The following POLD1 variants were observed in gnomAD, a reference collection of about 807,000 sequenced individuals.
The protein encoded by POLD1 is DNA polymerase delta 1, catalytic subunit.
A neutral mutation model predicts 129.7 loss-of-function variants in POLD1; 79 were observed. The ratio of observed to expected loss-of-function variants is 0.61; its 90% CI spans 0.51 to 0.73. The LOEUF is 0.73. Ranked by LOEUF, POLD1 falls within the 30% of genes least tolerant of loss-of-function variation. The pLI is 0.00. For missense variants in POLD1, 1,338 were observed against 1,595.8 expected (o/e 0.84, Z 2.75); for synonymous variants, 714 against 683.3 (o/e 1.04, Z -0.70).
chr19:50,394,321 G>A (rs758498925), intron 1 of POLD1, among the ~76,000 whole-genome samples: 2 of 152,088 alleles, frequency 1.3e-5, no homozygotes, highest in African/African-American at 4.8e-5. Context: ...TGGCCACTCC[G>A]GACACGCAGG....
chr19:50,409,329 C>T lies in POLD1; in HGVS notation c.2006+94C>T. On this transcript the variant is annotated intron_variant, in intron 16 of 26. Coordinates refer to ENST00000440232, the MANE Select transcript of POLD1 (RefSeq NM_002691.4). This position sits in a 1 kb window ranked among gnomAD's most constrained non-coding sequence, Gnocchi z 5.8. ...CTGGGACACCCCAGGGCTGCCCAGC[C>T]ACCCTGCCCTCAGCTGTGCGTGAAT... 8.2e-7 allele frequency: 1 copy of T among 1,218,128 alleles called. No homozygotes were observed. The highest frequency in any genetic ancestry group is 2.4e-5 in the East Asian group (1 of 42,206). 75.5% of individuals were successfully genotyped at this position (1,218,128 alleles called of 1,614,324 possible). A position where few individuals can be genotyped will look rare whatever the true frequency, so the allele number is the denominator to read the frequency against.
At position 50,398,943 on chromosome 19, in the gene POLD1, C is replaced by T. The variant is rs2038475705; in HGVS notation, c.92C>T (p.Pro31Leu). 6.3e-7 allele frequency: 1 copy of T among 1,590,826 alleles called. No homozygotes were observed. Among genetic ancestry groups the T allele is most frequent in the Admixed American group, 1.8e-5 (1 of 55,976 alleles). Residue 31 changes from proline (P) to leucine (L), a missense_variant, in exon 2 of 27, where the codon CCA becomes CTA. By Grantham distance (98) the Pro-to-Leu change is moderately conservative. Transcript: ENST00000440232. ...TGGGATGATGATGATGCACCTCGGC[C>T]ATCCCAATTCGAGGAGGACCTGGCA... ...GLWDDDDAPR[P>L]SQFEEDLALM...
At chr19:50,404,096 T>C (rs955372242) in intron 10 of POLD1, among the ~76,000 whole-genome samples, 5 of 152,200 alleles carry the variant, frequency 3.3e-5, no homozygotes, top group Admixed American at 3.3e-4. Flanking sequence ...CTCACCGTCC[T>C]GAAGGCTGGA....
intron 1 of POLD1, among the ~76,000 whole-genome samples, chr19:50,393,525 G>C (rs970191519): frequency 2.0e-5 from 3 of 152,038 alleles, no homozygotes; most frequent in Non-Finnish European, 4.4e-5. Context: ...AATTGGCTAG[G>C]CATGGTGGCA....
In POLD1 at chr19:50,408,890, A is replaced by G. The variant is rs2122370402; in HGVS notation, c.1881A>G (p.Ala627=). Residue 627 remains alanine (A), a synonymous_variant, in exon 15 of 27, where the codon GCA becomes GCG. Coordinates refer to ENST00000440232, the MANE Select transcript of POLD1 (RefSeq NM_002691.4). Reference sequence around the variant, plus strand: ...CCACGCTCCTTCGGCCCGGGACTGCACAGAAACTGGGGTATAGTGCCCAAT... The same window carrying G: ...CCACGCTCCTTCGGCCCGGGACTGCGCAGAAACTGGGGTATAGTGCCCAAT... ...CYTTLLRPGT[A]QKLGLTEDQF... 6.2e-7 allele frequency: 1 copy of G among 1,611,278 alleles called. No individual in the cohort carries two copies. The highest frequency in any genetic ancestry group is 1.1e-5 in the South Asian group (1 of 90,626).
chr19:50,413,817 C>T lies in POLD1; in HGVS notation c.2326C>T (p.Arg776Trp), dbSNP rs780138978. ...GGTGGCTGAGGCGATGGCCCTGGGG[C>T]GGGAGGCCGCGGACTGGGTGTCAGG... ...SSVAEAMALG[R>W]EAADWVSGHF... Residue 776 changes from arginine (R) to tryptophan (W), a missense_variant, in exon 19 of 27, where the codon CGG (arginine) becomes TGG (tryptophan). Around this residue, in one of 3 missense-constraint regions of POLD1, gnomAD observed 720 missense variants for 1,002.6 expected, o/e 0.72. Coordinates refer to ENST00000440232, the MANE Select transcript of POLD1 (RefSeq NM_002691.4). 97 of 1,612,006 alleles carry T rather than the reference C, an allele frequency of 6.0e-5. No individual in the cohort carries two copies. Among genetic ancestry groups the T allele is most frequent in the Non-Finnish European group, 6.8e-5 (80 of 1,179,412 alleles).
intron 10 of POLD1, among the ~76,000 whole-genome samples, chr19:50,404,778 G>A (rs2038811508): frequency 1.3e-5 from 2 of 149,338 alleles, no homozygotes; most frequent in South Asian, 4.3e-4. Flanking sequence ...TCTTGAGATG[G>A]AATTTCGCTC....
At chr19:50,396,228 A>G (rs1045651489) in intron 1 of POLD1, among the ~76,000 whole-genome samples, 7 of 151,016 alleles carry the variant, frequency 4.6e-5, no homozygotes, top group Non-Finnish European at 7.4e-5. Flanking sequence ...CCATAATTAC[A>G]GGTGTGTACC....
chr19:50,388,163 T>C (rs1221895813), intron 1 of POLD1, among the ~76,000 whole-genome samples: 2 of 151,876 alleles, frequency 1.3e-5, no homozygotes, highest in Non-Finnish European at 2.9e-5. Context: ...CTGCCAGGGG[T>C]GGGGGCAGAT....
At chr19:50,416,160 C>T (rs2039280925) in intron 22 of POLD1, 2 of 591,624 alleles carry the variant, frequency 3.4e-6, no homozygotes, top group Admixed American at 3.0e-5. Context: ...CTCCTGACCC[C>T]TTCCTCATCC....
At chr19:50,416,042 C>T (rs1041625995) in intron 22 of POLD1, 2 of 581,726 alleles carry the variant, frequency 3.4e-6, no homozygotes, top group Admixed American at 3.2e-5. Context: ...GGGCCCCAGT[C>T]CCTCCCCTGT....
chr19:50,413,610 C>T, intron 18 of POLD1, 89 bp downstream of exon 18: 1 of 1,530,224 alleles, frequency 6.5e-7, no homozygotes, highest in Non-Finnish European at 9.0e-7. Context: ...CCCGTGCCTC[C>T]TGGTCACACC....
rs199733325 is a variant in POLD1 at position 50,407,322 on chromosome 19, C to G, written c.1687-5C>G. 6.2e-7 allele frequency: 1 copy of G among 1,611,656 alleles called. No homozygotes were observed. Among genetic ancestry groups the G allele is most frequent in the African/African-American group, 1.3e-5 (1 of 74,960 alleles). On this transcript the variant is annotated splice_region_variant and splice_polypyrimidine_tract_variant and intron_variant, in intron 13 of 26. Transcript: ENST00000440232. The stretch of plus-strand genomic sequence containing the variant: ...CACTCCATTTCCCACCTTCTCCCCT[C>G]CCAGGCCATGCACGAGGGGCTGCTG...
chr19:50,417,921 G>A lies in POLD1; in HGVS notation c.3298G>A (p.Gly1100Arg), dbSNP rs1060501837. The change falls in exon 27 of 27, where the codon GGA (glycine) becomes AGA (arginine). Residue 1100 changes from glycine to arginine, a missense_variant. This residue lies in a region of POLD1 where 286 missense variants were observed against 277.5 expected (regional missense o/e 1.03). Coordinates refer to ENST00000440232, the MANE Select transcript of POLD1 (RefSeq NM_002691.4). Reference sequence around the variant, plus strand: ...CCAGGAGCAGCTCCTGCGGCGCTTCGGACCCCCTGGACCTGAGGCCTGGTG... The same window carrying A: ...CCAGGAGCAGCTCCTGCGGCGCTTCAGACCCCCTGGACCTGAGGCCTGGTG... ...EDQEQLLRRFGPPGPEAW is the reference protein window; with the variant it reads ...EDQEQLLRRFRPPGPEAW The A allele has an allele frequency of 1.9e-6, 3 of 1,609,802 alleles. No homozygotes were observed. The highest frequency in any genetic ancestry group is 1.3e-5 in the African/African-American group (1 of 74,920).
intron 23 of POLD1, 38 bp from the exon 24 acceptor site, chr19:50,416,572 G>T (rs2122494194): frequency 6.5e-7 from 1 of 1,546,936 alleles, no homozygotes. Context: ...GGGGGGCAGA[G>T]GAGATCACCG....
intron 3 of POLD1, among the ~76,000 whole-genome samples, chr19:50,401,391 A>ATATATATAT (rs1334231607): frequency 2.4e-4 from 16 of 65,948 alleles, no homozygotes; most frequent in Non-Finnish European, 3.1e-4. Context: ...ATATATATAT[A>ATATATATAT]TTTTTTTTTT....
chr19:50,403,693 T>C (rs1490991281), intron 10 of POLD1, 96 bp downstream of exon 10: 1 of 822,996 alleles, frequency 1.2e-6, no homozygotes, highest in Non-Finnish European at 2.1e-6. Context: ...CATGGCTTGG[T>C]GCATCTTGCT....
intron 17 of POLD1, among the ~76,000 whole-genome samples, chr19:50,410,803 G>T (rs140990009): frequency 0.01 from 1,569 of 152,060 alleles, 22 homozygotes; most frequent in African/African-American, 0.035. Context: ...TATAGGCATG[G>T]AGCACCCTGT....
At chr19:50,407,637 C>G (rs929432873) in intron 14 of POLD1, among the ~76,000 whole-genome samples, 1 of 151,290 alleles carries the variant, frequency 6.6e-6, no homozygotes, top group African/African-American at 2.4e-5. Flanking sequence ...CAGCTCACTG[C>G]AAGCTTTGCC....
Sources: allele counts gnomAD v4.1 joint callset (sites outside exome capture counted in the v4.1 genomes callset), GRCh38; gene constraint gnomAD v4.1.1; regional missense constraint gnomAD v4.1.1; non-coding constraint Gnocchi (gnomAD v3.1); transcripts MANE v1.5; gene names NCBI Gene and HGNC (gene_info 2026-07-23, HGNC 2026-07-21).